The following EEFSEC variants were observed in gnomAD, a reference collection of about 807,000 sequenced individuals.
The protein encoded by EEFSEC is eukaryotic elongation factor, selenocysteine-tRNA specific, also known as selenocysteine-specific elongation factor.
Under a neutral mutation model 42.1 loss-of-function variants are expected in EEFSEC, and 43 were observed. That is an observed-to-expected ratio of 1.02 (90% CI 0.80 to 1.32). The LOEUF is 1.32. Ranked by LOEUF, EEFSEC falls within the 40% of genes most tolerant of loss-of-function variation. The pLI, the probability that EEFSEC is intolerant of heterozygous loss-of-function variation, is 0.00. For missense variants in EEFSEC, 745 were observed against 803.6 expected (o/e 0.93, Z 0.88); for synonymous variants, 354 against 339.1 (o/e 1.04, Z -0.48).
At chr3:128,264,880 T>C in intron 4 of EEFSEC, 99 bp downstream of exon 4, 1 of 1,408,364 alleles carries the variant, frequency 7.1e-7, no homozygotes, top group Non-Finnish European at 9.5e-7. Context: ...CTGCTGTGCC[T>C]GCCCTGGGAC....
At chr3:128,354,004 C>T (rs899497188) in intron 5 of EEFSEC, among the ~76,000 whole-genome samples, 5 of 152,138 alleles carry the variant, frequency 3.3e-5, no homozygotes, top group East Asian at 1.9e-4. Flanking sequence ...CTCTGCTGCT[C>T]CAGCCTCCCC....
chr3:128,386,485 G>C (rs544720021), intron 6 of EEFSEC, among the ~76,000 whole-genome samples: 3 of 152,124 alleles, frequency 2.0e-5, no homozygotes, highest in Admixed American at 2.0e-4. Flanking sequence ...GGCAGTGGGG[G>C]GGGGATGCAG....
intron 2 of EEFSEC, among the ~76,000 whole-genome samples, chr3:128,248,898 G>C (rs2066155357): frequency 6.6e-6 from 1 of 152,210 alleles, no homozygotes; most frequent in South Asian, 2.1e-4. Flanking sequence ...CACACATCCA[G>C]AGGAAATTGT....
At chr3:128,352,879 A>G (rs2067405593) in intron 5 of EEFSEC, among the ~76,000 whole-genome samples, 1 of 152,212 alleles carries the variant, frequency 6.6e-6, no homozygotes, top group African/African-American at 2.4e-5. Context: ...AGGCACCCAG[A>G]CTTGGGATTC....
At chr3:128,319,483 C>T (rs776138634) in intron 4 of EEFSEC, among the ~76,000 whole-genome samples, 4 of 152,154 alleles carry the variant, frequency 2.6e-5, no homozygotes, top group Non-Finnish European at 5.9e-5. Flanking sequence ...TTTTTATTTG[C>T]GATATAACAT....
the EEFSEC span, among the ~76,000 whole-genome samples, chr3:128,421,130 C>G: frequency 1.3e-5 from 2 of 152,238 alleles, no homozygotes; most frequent in African/African-American, 4.8e-5. Context: ...GGGGCCTTGT[C>G]CCCAGCAAGG....
intron 2 of EEFSEC, among the ~76,000 whole-genome samples, chr3:128,261,916 CA>C (rs1446138041): frequency 2.0e-5 from 3 of 152,188 alleles, no homozygotes; most frequent in Non-Finnish European, 2.9e-5. Context: ...ATGTCCAATG[CA>C]GGGACATTTC....
At chr3:128,212,499 CT>C (rs2065768908) in intron 1 of EEFSEC, among the ~76,000 whole-genome samples, 2 of 152,190 alleles carry the variant, frequency 1.3e-5, no homozygotes, top group African/African-American at 2.4e-5. Flanking sequence ...CTCAGGAAGG[CT>C]GCTGGTACCT....
intron 1 of EEFSEC, among the ~76,000 whole-genome samples, chr3:128,222,183 A>G (rs1214353447): frequency 6.6e-6 from 1 of 151,746 alleles, no homozygotes; most frequent in African/African-American, 2.4e-5. Flanking sequence ...ACAGGTGCAC[A>G]CCACTCCAGC....
intron 1 of EEFSEC, among the ~76,000 whole-genome samples, chr3:128,190,720 C>T (rs1237989995): frequency 6.6e-6 from 1 of 152,182 alleles, no homozygotes; most frequent in Non-Finnish European, 1.5e-5. Flanking sequence ...CTCACTGACT[C>T]GCCCAGAACA....
chr3:128,387,580 G>A (rs1016851420), intron 6 of EEFSEC, among the ~76,000 whole-genome samples: 5 of 152,026 alleles, frequency 3.3e-5, no homozygotes, highest in African/African-American at 9.7e-5. Context: ...GAATTAAGTC[G>A]GCTGCTGGCC....
At chr3:128,233,350 A>G (rs1244641581) in intron 1 of EEFSEC, among the ~76,000 whole-genome samples, 1 of 152,238 alleles carries the variant, frequency 6.6e-6, no homozygotes, top group Non-Finnish European at 1.5e-5. Context: ...TATGATTTAA[A>G]CATACATGTG....
At chr3:128,331,577 C>T (rs865826205) in intron 4 of EEFSEC, among the ~76,000 whole-genome samples, 2 of 151,670 alleles carry the variant, frequency 1.3e-5, no homozygotes, top group Non-Finnish European at 2.9e-5. Flanking sequence ...TCTCCCCTTC[C>T]TAAAGAGTTG....
At chr3:128,343,091 T>C (rs2107567239) in intron 5 of EEFSEC, among the ~76,000 whole-genome samples, 1 of 152,294 alleles carries the variant, frequency 6.6e-6, no homozygotes, top group Non-Finnish European at 1.5e-5. Flanking sequence ...CCTGAGGCTT[T>C]CAACAAGGGC....
At chr3:128,166,565 G>A (rs1030190967) in intron 1 of EEFSEC, among the ~76,000 whole-genome samples, 17 of 152,182 alleles carry the variant, frequency 1.1e-4, no homozygotes, top group South Asian at 4.1e-4. Context: ...GTAGAGTTGG[G>A]TTTGAGCTGT....
intron 4 of EEFSEC, among the ~76,000 whole-genome samples, chr3:128,340,964 A>G (rs1339586294): frequency 6.6e-6 from 1 of 152,196 alleles, no homozygotes; most frequent in African/African-American, 2.4e-5. Context: ...TTTGGCTGCT[A>G]TGACCCCTGC....
the EEFSEC span, among the ~76,000 whole-genome samples, chr3:128,422,721 C>T: frequency 2.0e-5 from 3 of 152,208 alleles, no homozygotes; most frequent in Non-Finnish European, 4.4e-5. Flanking sequence ...TGAAACATCC[C>T]GTCCCCTGAC....
At chr3:128,369,682 G>A (rs1006371124) in intron 6 of EEFSEC, among the ~76,000 whole-genome samples, 1 of 152,170 alleles carries the variant, frequency 6.6e-6, no homozygotes, top group Admixed American at 6.5e-5. Context: ...GAAAATCCCA[G>A]TTTCCTCATC....
At chr3:128,412,328 G>A (rs560462280), downstream of EEFSEC, among the ~76,000 whole-genome samples, 51 of 152,330 alleles carry the variant, frequency 3.3e-4, no homozygotes, top group East Asian at 4.0e-3. Flanking sequence ...AGTTGGTCCC[G>A]GCCCTGGCCT....
Sources: gnomAD v4.1 joint callset for allele counts (sites outside exome capture counted in the v4.1 genomes callset) on GRCh38, gnomAD v4.1.1 for gene constraint, MANE v1.5 for transcripts, NCBI Gene and HGNC (gene_info 2026-07-23, HGNC 2026-07-21) for gene names.